OPHN1: variants seen among roughly 807,000 people sequenced by gnomAD.
OPHN1 encodes the protein oligophrenin-1.
In OPHN1, 11 loss-of-function variants were observed where a neutral mutation model predicts 60.7. The observed-to-expected ratio is 0.18, with a 90% CI of 0.11 to 0.30. The LOEUF is 0.30. Ranked by LOEUF, OPHN1 falls within the 10% of genes least tolerant of loss-of-function variation. The pLI is 1.00. For missense variants in OPHN1, 449 were observed against 611.0 expected, an observed-to-expected ratio of 0.73 and a Z score of 2.80; for synonymous variants, 226 against 222.6, an observed-to-expected ratio of 1.02 and a Z score of -0.14.
chrX:68,087,550 G>C (rs766019483), intron 19 of OPHN1, among the ~76,000 whole-genome samples: 1 of 111,632 alleles, frequency 9.0e-6, no homozygotes, highest in Non-Finnish European at 1.9e-5. Context: ...AATATAAGAT[G>C]GTCATTTCCA....
rs755882043 is a variant in OPHN1 at position 68,048,409 on chromosome X, T to C, written c.*8+7A>G. 4 of 1,205,336 alleles carry C rather than the reference T, an allele frequency of 3.3e-6. No individual in the cohort carries two copies. The South Asian group carries it at 7.0e-5, about 21-fold the overall frequency. On this transcript the variant is annotated splice_region_variant and intron_variant, in intron 24 of 24. Transcript: ENST00000355520. ...AGATTTTGTAATCAGGGATGGGGAC[T>C]GCATACCTGTAGCCTCAACTTTCAT...
chrX:68,168,566 T>C (rs1333602475), intron 15 of OPHN1, among the ~76,000 whole-genome samples: 2 of 110,093 alleles, frequency 1.8e-5, no homozygotes, highest in Non-Finnish European at 3.8e-5. Flanking sequence ...GATCTAAAAT[T>C]GACACCTTAA....
intron 2 of OPHN1, among the ~76,000 whole-genome samples, chrX:68,360,741 C>A (rs1263659537): frequency 9.0e-6 from 1 of 110,805 alleles, no homozygotes; most frequent in African/African-American, 3.3e-5. Context: ...GAAGATCATG[C>A]CACTGCACTC....
rs369382527 is a variant in OPHN1 at position 68,212,100 on chromosome X, A to G, written c.702+8T>C. On this transcript the variant is annotated splice_region_variant and intron_variant, in intron 8 of 24. Transcript: ENST00000355520. Reference sequence around the variant, plus strand: ...AGACCGGTGAGAAAAATCCACATGCAAACTCACATTCTGTAAACTGAGTTG... The same window carrying G: ...AGACCGGTGAGAAAAATCCACATGCGAACTCACATTCTGTAAACTGAGTTG... 199 of 1,150,597 alleles carry G rather than the reference A, an allele frequency of 1.7e-4. No homozygotes were observed. The highest frequency in any genetic ancestry group is 2.2e-4 in the Non-Finnish European group (185 of 843,655). 94.8% of individuals were successfully genotyped at this position (1,150,597 alleles called of 1,213,427 possible).
chrX:68,398,758 G>A (rs1359045866), intron 2 of OPHN1, among the ~76,000 whole-genome samples: 2 of 110,974 alleles, frequency 1.8e-5, no homozygotes, highest in Non-Finnish European at 3.8e-5. Flanking sequence ...AGACCAGCCT[G>A]GCCAATATGA....
chrX:68,167,710 T>C (rs1488405292), intron 15 of OPHN1, among the ~76,000 whole-genome samples: 1 of 75,024 alleles, frequency 1.3e-5, no homozygotes, highest in African/African-American at 9.5e-5. Flanking sequence ...CATATGTGTA[T>C]ATGTGTGTGT....
At chrX:68,344,948 G>C (rs1037012527) in intron 2 of OPHN1, among the ~76,000 whole-genome samples, 1 of 111,351 alleles carries the variant, frequency 9.0e-6, no homozygotes, top group Non-Finnish European at 1.9e-5. Flanking sequence ...TACTGTGTTA[G>C]GTGCCAGAGA....
intron 15 of OPHN1, among the ~76,000 whole-genome samples, chrX:68,176,921 A>G (rs2077416636): frequency 9.2e-6 from 1 of 108,926 alleles, no homozygotes; most frequent in South Asian, 3.9e-4. Flanking sequence ...AAGCAGCCCA[A>G]GTGTCTATCC....
At chrX:68,416,170 GTAGTGGGATT>G (rs1259694125) in intron 2 of OPHN1, among the ~76,000 whole-genome samples, 24 of 104,590 alleles carry the variant, frequency 2.3e-4, no homozygotes, top group African/African-American at 8.6e-4. Context: ...AGCCTCCTGA[GTAGTGGGATT>G]ACAGGCGACC....
At chrX:68,190,051 T>C (rs2077481332) in intron 15 of OPHN1, among the ~76,000 whole-genome samples, 1 of 110,412 alleles carries the variant, frequency 9.1e-6, no homozygotes, top group Non-Finnish European at 1.9e-5. Flanking sequence ...GGATAAATCA[T>C]GATGGGTCCA....
chrX:68,364,572 C>A (rs1049801446), intron 2 of OPHN1, among the ~76,000 whole-genome samples: 7 of 111,586 alleles, frequency 6.3e-5, no homozygotes, highest in Non-Finnish European at 9.4e-5. Context: ...AATTCAGTTT[C>A]TTTAATAGAG....
chrX:68,377,331 C>G lies in OPHN1; in HGVS notation c.154+55536G>C, dbSNP rs1417902968. Reference sequence around the variant, plus strand: ...CAGGATGGTCTTGATCTCCTGACCTCGTGATCCGCCCACCTCAGCCTCCCA... The same window carrying G: ...CAGGATGGTCTTGATCTCCTGACCTGGTGATCCGCCCACCTCAGCCTCCCA... On this transcript the variant is annotated intron_variant, in intron 2 of 24. Transcript: ENST00000355520. 2.7e-5 allele frequency among the ~76,000 whole-genome samples: 3 copies of G among 109,327 alleles called. No individual in the cohort carries two copies. In the Admixed American group the frequency reaches 3.0e-4, roughly 11 times the overall value. 94.9% of individuals were successfully genotyped at this position (109,327 alleles called of 115,157 possible).
At chrX:68,428,614 A>G (rs1179295512) in intron 2 of OPHN1, among the ~76,000 whole-genome samples, 1 of 112,405 alleles carries the variant, frequency 8.9e-6, no homozygotes, top group African/African-American at 3.2e-5. Flanking sequence ...GTGTCCAAGT[A>G]TGTATTGAAT....
chrX:68,265,974 G>A (rs1214490218), intron 5 of OPHN1, among the ~76,000 whole-genome samples: 2 of 111,515 alleles, frequency 1.8e-5, no homozygotes, highest in East Asian at 2.8e-4. Context: ...GAGAGGTTTA[G>A]AGAAAAAAGA....
intron 21 of OPHN1, among the ~76,000 whole-genome samples, chrX:68,060,291 A>G (rs776849117): frequency 9.0e-6 from 1 of 111,561 alleles, no homozygotes; most frequent in African/African-American, 3.3e-5. Context: ...TGGTATAAAG[A>G]AAAAGAGTCC....
At chrX:68,240,966 T>A (rs865818087) in intron 5 of OPHN1, among the ~76,000 whole-genome samples, 28 of 112,369 alleles carry the variant, frequency 2.5e-4, no homozygotes, top group African/African-American at 8.7e-4. Context: ...ATTTATTTTT[T>A]TAACCCAAAG....
At chrX:68,155,536 CTG>C (rs1200091634) in intron 15 of OPHN1, among the ~76,000 whole-genome samples, 1 of 112,193 alleles carries the variant, frequency 8.9e-6, no homozygotes, top group African/African-American at 3.2e-5. Flanking sequence ...CCATGTGGAT[CTG>C]TGAGTCAATT....
chrX:68,377,060 G>C (rs1479161637), intron 2 of OPHN1, among the ~76,000 whole-genome samples: 12 of 105,189 alleles, frequency 1.1e-4, no homozygotes, highest in African/African-American at 4.2e-4. Context: ...CTCCTGAGTA[G>C]CTGGGATTGC....
At chrX:68,188,559 A>AT (rs1339621551) in intron 15 of OPHN1, among the ~76,000 whole-genome samples, 3 of 112,147 alleles carry the variant, frequency 2.7e-5, no homozygotes, top group African/African-American at 9.7e-5. Flanking sequence ...AAGTATCTTG[A>AT]TATGTATGGA....
Sources: allele counts gnomAD v4.1 joint callset (sites outside exome capture counted in the v4.1 genomes callset), GRCh38; gene constraint gnomAD v4.1.1; transcripts MANE v1.5; gene names NCBI Gene and HGNC (gene_info 2026-07-23, HGNC 2026-07-21).